Variants in ABCA4 observed in about 807,000 individuals in gnomAD.
ABCA4 encodes the protein ATP binding cassette subfamily A member 4.
Under a neutral mutation model 263.7 loss-of-function variants are expected in ABCA4, and 196 were observed. That is an observed-to-expected ratio of 0.74 (90% CI 0.66 to 0.84). The LOEUF (loss-of-function observed/expected upper bound fraction) is 0.84. ABCA4 is among the 40% of genes least tolerant of loss of function. The pLI is 0.00. For synonymous variants in ABCA4, 1,133 were observed against 1,094.2 expected (o/e 1.04, Z -0.70); for missense variants, 2,792 against 2,855.1 (o/e 0.98, Z 0.50).
At position 94,042,817 on chromosome 1, in the gene ABCA4, C is replaced by T. The variant is rs61752417; in HGVS notation, c.3272G>A (p.Gly1091Glu). The change falls in exon 22 of 50, where the codon GGG becomes GAG. Residue 1091 changes from glycine to glutamate, a missense_variant. Coordinates refer to ENST00000370225, the MANE Select transcript of ABCA4 (RefSeq NM_000350.3). ...KVVILDEPTS[G>E]VDPYSRRSIW... Reference sequence around the variant, plus strand: ...TGAGCGTCTCGAGTAAGGGTCCACCCCAGAGGTGGGTTCGTCCAGAATCAC... The same window carrying T: ...TGAGCGTCTCGAGTAAGGGTCCACCTCAGAGGTGGGTTCGTCCAGAATCAC... The T allele has an allele frequency of 6.2e-7, 1 of 1,614,182 alleles. No individual in the cohort carries two copies. The highest frequency in any genetic ancestry group is 8.5e-7 in the Non-Finnish European group (1 of 1,180,036).
Position 94,063,040 on chromosome 1 carries a change from C to A in ABCA4, c.1760+72G>T, listed in dbSNP as rs1570393667. ...ATTGATTTATGAGTCCAGTCTCAATCCCTTTCTCTCTACCAAATGTAATTT... is the reference window on the plus strand; with the variant it reads ...ATTGATTTATGAGTCCAGTCTCAATACCTTTCTCTCTACCAAATGTAATTT... On this transcript the variant is annotated intron_variant, in intron 12 of 49. Coordinates refer to ENST00000370225, the MANE Select transcript of ABCA4 (RefSeq NM_000350.3). The A allele has an allele frequency of 1.6e-5, 22 of 1,407,308 alleles. No individual in the cohort carries two copies. The East Asian group carries it at 4.8e-4, about 31-fold the overall frequency. 87.2% of individuals were successfully genotyped at this position (1,407,308 alleles called of 1,614,324 possible). A position where few individuals can be genotyped will look rare whatever the true frequency, so the allele number is the denominator to read the frequency against.
rs1261408338 is a variant in ABCA4, at chr1:94,021,679, A to G, written c.4809T>C (p.Pro1603=). The G allele has an allele frequency of 1.2e-6, 2 of 1,613,296 alleles. No homozygotes were observed. The highest frequency in any genetic ancestry group is 2.2e-5 in the East Asian group (1 of 44,886). ...CAGTTTCTAGATGTTTAAGGAAATC[A>G]GGTATTTCTTTAGAGGCCTCTCTAG... ...PITREASKEI[P]DFLKHLETED... The change falls in exon 34 of 50, where the codon CCT becomes CCC. Residue 1603 remains proline (P), a synonymous_variant. Transcript: ENST00000370225.
At chr1:94,113,425 C>A (rs758116207) in intron 1 of ABCA4, among the ~76,000 whole-genome samples, 2 of 152,198 alleles carry the variant, frequency 1.3e-5, no homozygotes, top group Non-Finnish European at 2.9e-5. Flanking sequence ...CCAGAGCTTG[C>A]ATTTCTAACA....
intron 10 of ABCA4, 83 bp downstream of exon 10, chr1:94,078,507 C>T: frequency 8.9e-7 from 1 of 1,118,544 alleles, no homozygotes; most frequent in Non-Finnish European, 1.4e-6. Context: ...TTAACTCTTT[C>T]CTGGGAAAAG....
chr1:94,014,406 G>T, intron 38 of ABCA4, 137 bp downstream of exon 38: 1 of 952,478 alleles, frequency 1.0e-6, no homozygotes, highest in Non-Finnish European at 1.7e-6. Flanking sequence ...AGGCAGGGTC[G>T]GGGGTAGGGA....
intron 38 of ABCA4, 46 bp from the exon 39 acceptor site, chr1:94,011,431 C>G: frequency 3.1e-6 from 5 of 1,603,192 alleles, no homozygotes; most frequent in East Asian, 2.2e-5. Context: ...AAACCCCACC[C>G]CCCCTCTCTT....
chr1:93,993,226 G>A lies in ABCA4; in HGVS notation c.*11C>T, dbSNP rs377008865. ...TTCCTTTCTGGCTGCAGGAACGAGCGGTGTGAAAGATCAGTCCTGTGGAAG... is the reference window on the plus strand; with the variant it reads ...TTCCTTTCTGGCTGCAGGAACGAGCAGTGTGAAAGATCAGTCCTGTGGAAG... On this transcript the variant is annotated 3_prime_UTR_variant, in exon 50 of 50. Coordinates refer to ENST00000370225, the MANE Select transcript of ABCA4 (RefSeq NM_000350.3). 1.9e-5 allele frequency: 30 copies of A among 1,613,724 alleles called. No homozygotes were observed. Among genetic ancestry groups the A allele is most frequent in the South Asian group, 4.4e-5 (4 of 91,064 alleles).
rs570477925 is a variant in ABCA4 at position 94,094,524 on chromosome 1, C to T, written c.768+4270G>A. On this transcript the variant is annotated intron_variant, in intron 6 of 49. Coordinates refer to ENST00000370225, the MANE Select transcript of ABCA4 (RefSeq NM_000350.3). ...CACTGGAAGCATTTTCAAAGGAAAA[C>T]CGTGAGCCCAAATGCCGAGGAGGCT... Among the ~76,000 whole-genome samples, 58 of 152,254 alleles carry T rather than the reference C, an allele frequency of 3.8e-4. 1 individual carries two copies. In the South Asian group the frequency reaches 0.012, roughly 32 times the overall value.
intron 34 of ABCA4, 75 bp downstream of exon 34, chr1:94,021,565 G>T: frequency 6.6e-7 from 1 of 1,507,812 alleles, no homozygotes. Flanking sequence ...TTTAATGAAG[G>T]TAGGAAAGTA....
At chr1:94,034,876 C>T (rs1364218245) in intron 26 of ABCA4, among the ~76,000 whole-genome samples, 6 of 152,166 alleles carry the variant, frequency 3.9e-5, no homozygotes, top group Non-Finnish European at 8.8e-5. Flanking sequence ...AATCAGTGAT[C>T]GTATACTGTG....
chr1:94,117,036 C>CCT (rs1662807568), intron 1 of ABCA4, among the ~76,000 whole-genome samples: 1 of 109,682 alleles, frequency 9.1e-6, no homozygotes, highest in African/African-American at 3.4e-5. Context: ...CCTTTTCTTT[C>CCT]TTTCTTCTTC....
chr1:93,993,124 AG>A lies in ABCA4; in HGVS notation c.*112del. On this transcript the variant is annotated 3_prime_UTR_variant, in exon 50 of 50. Transcript: ENST00000370225. ...TCCTCGTGTGTTTGTTTTCTGCTGCAGTGGGGTCATTTACGCTGGCCAGTCC... is the reference window on the plus strand; with the variant it reads ...TCCTCGTGTGTTTGTTTTCTGCTGCATGGGGTCATTTACGCTGGCCAGTCC... The A allele has an allele frequency of 7.2e-7, 1 of 1,388,332 alleles. No homozygotes were observed. Among genetic ancestry groups the A allele is most frequent in the Non-Finnish European group, 1.0e-6 (1 of 980,738 alleles). 86.0% of individuals were successfully genotyped at this position (1,388,332 alleles called of 1,614,324 possible). A position where few individuals can be genotyped will look rare whatever the true frequency, so the allele number is the denominator to read the frequency against.
chr1:94,033,440 A>G lies in ABCA4; in HGVS notation c.3863-1397T>C, dbSNP rs139262810. Among the ~76,000 whole-genome samples, 626 of 150,020 alleles carry G rather than the reference A, an allele frequency of 4.2e-3. 2 individuals carry two copies. Among genetic ancestry groups the G allele is most frequent in the African/African-American group, 0.015 (601 of 40,814 alleles). ...CTCTATCTCAAAAAAAAAAAAAAGA[A>G]AAAAAAAAAGAACATTTCACAGGAT... On this transcript the variant is annotated intron_variant, in intron 26 of 49. Coordinates refer to ENST00000370225, the MANE Select transcript of ABCA4 (RefSeq NM_000350.3).
intron 40 of ABCA4, among the ~76,000 whole-genome samples, chr1:94,009,984 C>T (rs1297141739): frequency 1.3e-5 from 2 of 152,256 alleles, no homozygotes; most frequent in Non-Finnish European, 2.9e-5. Context: ...TCACCTCTCA[C>T]AGTCCTGTGA....
Position 94,015,736 on chromosome 1 carries a change from T to A in ABCA4, c.5312+3A>T, listed in dbSNP as rs767451031. ...GCATTAGCTAATGGCCCAAACGGCT[T>A]ACCCATACAGCAGGAGCAGTGCCAC... On this transcript the variant is annotated splice_donor_region_variant and intron_variant, in intron 37 of 49. Coordinates refer to ENST00000370225, the MANE Select transcript of ABCA4 (RefSeq NM_000350.3). 1 of 1,612,872 alleles carries A rather than the reference T, an allele frequency of 6.2e-7. No homozygotes were observed. Among genetic ancestry groups the A allele is most frequent in the Non-Finnish European group, 8.5e-7 (1 of 1,179,128 alleles).
At chr1:94,046,642 T>C (rs1660691833) in intron 19 of ABCA4, among the ~76,000 whole-genome samples, 1 of 152,002 alleles carries the variant, frequency 6.6e-6, no homozygotes, top group African/African-American at 2.4e-5. Context: ...CGCTGAGCCA[T>C]GACAACTTGG....
At chr1:94,040,207 C>T (rs951471183) in intron 23 of ABCA4, 80 bp from the exon 24 acceptor site, 45 of 1,149,092 alleles carry the variant, frequency 3.9e-5, no homozygotes, top group African/African-American at 3.7e-4. Context: ...CTGCTGTCAC[C>T]GCCCGCTTTA....
chr1:94,079,227 C>T, intron 9 of ABCA4, 95 bp downstream of exon 9: 4 of 1,552,920 alleles, frequency 2.6e-6, no homozygotes, highest in African/African-American at 1.4e-5. Flanking sequence ...ATGAGATGTG[C>T]TACCAGGAAG....
At chr1:94,049,806 G>A (rs979766452) in intron 17 of ABCA4, among the ~76,000 whole-genome samples, 3 of 151,944 alleles carry the variant, frequency 2.0e-5, no homozygotes, top group Admixed American at 6.6e-5. Flanking sequence ...ATTGTGAAGT[G>A]TGGTATAAAC....
Sources: allele counts gnomAD v4.1 joint callset (sites outside exome capture counted in the v4.1 genomes callset), GRCh38; gene constraint gnomAD v4.1.1; transcripts MANE v1.5; gene names NCBI Gene and HGNC (gene_info 2026-07-23, HGNC 2026-07-21).